Variants in GABRG1 observed in about 807,000 individuals in gnomAD.
GABRG1 encodes gamma-aminobutyric acid type A receptor subunit gamma1.
A neutral mutation model predicts 49.8 loss-of-function variants in GABRG1; 49 were observed. That is an observed-to-expected ratio of 0.98 (90% CI 0.78 to 1.25). The LOEUF (loss-of-function observed/expected upper bound fraction) is 1.25, where lower values mean the gene tolerates loss of function less well. GABRG1 is among the 50% of genes most tolerant of loss of function. The pLI is 0.00. For synonymous variants in GABRG1, 232 were observed against 185.1 expected (o/e 1.25, Z -2.06); for missense variants, 552 against 552.3 (o/e 1.00, Z 0.01).
At chr4:46,085,690 C>A (rs889977670) in intron 2 of GABRG1, among the ~76,000 whole-genome samples, 7 of 151,288 alleles carry the variant, frequency 4.6e-5, no homozygotes, top group East Asian at 3.9e-4. Context: ...AGAAAAAAAA[C>A]CAGAAATCTG....
At chr4:46,044,081 G>C (rs10433721) in intron 8 of GABRG1, among the ~76,000 whole-genome samples, 1 of 151,970 alleles carries the variant, frequency 6.6e-6, no homozygotes, top group East Asian at 1.9e-4. Context: ...TATTGCATGA[G>C]AAAATGCCAA....
intron 1 of GABRG1, among the ~76,000 whole-genome samples, chr4:46,110,703 G>A (rs1398617239): frequency 6.6e-6 from 1 of 150,972 alleles, no homozygotes; most frequent in East Asian, 2.0e-4. Context: ...TTCACCATAT[G>A]CAAATGAATA....
At chr4:46,046,305 A>G (rs1317425689) in intron 8 of GABRG1, among the ~76,000 whole-genome samples, 5 of 152,112 alleles carry the variant, frequency 3.3e-5, no homozygotes, top group Non-Finnish European at 7.4e-5. Context: ...TAGCCAAGGT[A>G]GAAAAAAGAG....
intron 2 of GABRG1, 37 bp downstream of exon 2, chr4:46,097,164 T>C: frequency 6.4e-7 from 1 of 1,562,398 alleles, no homozygotes; most frequent in South Asian, 1.2e-5. Context: ...ATATGTTTAA[T>C]GGTCATCAAA....
At chr4:46,062,274 A>G (rs1484770171) in intron 5 of GABRG1, among the ~76,000 whole-genome samples, 1 of 151,696 alleles carries the variant, frequency 6.6e-6, no homozygotes, top group Non-Finnish European at 1.5e-5. Context: ...CCAGTCTATC[A>G]TTGTTGGACA....
Position 46,040,744 on chromosome 4 carries a change from A to C in GABRG1, c.*244T>G. On this transcript the variant is annotated 3_prime_UTR_variant, in exon 9 of 9. Transcript: ENST00000295452. The stretch of plus-strand genomic sequence containing the variant: ...TAATAACATATAAGTAAATTAAAGA[A>C]AATTTAAGTAAAAATATGTGAGTAT... The C allele has an allele frequency of 3.3e-6, 1 of 306,618 alleles. No individual in the cohort carries two copies. The highest frequency in any genetic ancestry group is 5.9e-6 in the Non-Finnish European group (1 of 169,704). The allele number at this position is 306,618 out of a possible 1,614,324, so 19.0% of individuals were successfully genotyped here.
chr4:46,096,322 G>A (rs572960139), intron 2 of GABRG1, among the ~76,000 whole-genome samples: 13 of 151,600 alleles, frequency 8.6e-5, no homozygotes, highest in African/African-American at 2.4e-4. Context: ...TGAGAATCCC[G>A]AGTAAAGGGC....
intron 1 of GABRG1, among the ~76,000 whole-genome samples, chr4:46,112,000 T>C (rs1258637981): frequency 6.6e-6 from 1 of 151,330 alleles, no homozygotes; most frequent in Non-Finnish European, 1.5e-5. Flanking sequence ...TGAGACCTTA[T>C]TAAACTGAAG....
At chr4:46,072,456 C>A (rs773016354) in intron 3 of GABRG1, among the ~76,000 whole-genome samples, 19 of 151,992 alleles carry the variant, frequency 1.3e-4, no homozygotes, top group Non-Finnish European at 2.2e-4. Flanking sequence ...TAAAAATTAT[C>A]CATGTGTTTC....
In GABRG1 at chr4:46,121,111, T is replaced by C. The variant is rs185340093; in HGVS notation, c.104+2699A>G. ...AAAATAAAATAGTGTTTCTCCTCTA[T>C]ACTGTTGATGGAAATTAATGAGGAA... is the stretch of plus-strand genomic sequence containing the variant. On this transcript the variant is annotated intron_variant, in intron 1 of 8. Coordinates refer to ENST00000295452, the MANE Select transcript of GABRG1 (RefSeq NM_173536.4). 1.4e-4 allele frequency among the ~76,000 whole-genome samples: 22 copies of C among 151,946 alleles called. No homozygotes were observed. The East Asian group carries it at 4.1e-3, about 28-fold the overall frequency.
chr4:46,100,181 A>T (rs1451576423), intron 1 of GABRG1, among the ~76,000 whole-genome samples: 2 of 151,670 alleles, frequency 1.3e-5, no homozygotes. Context: ...ATTTCCTATT[A>T]TTTTCTCCAA....
intron 1 of GABRG1, among the ~76,000 whole-genome samples, chr4:46,101,964 A>C (rs1252263979): frequency 6.6e-6 from 1 of 151,698 alleles, no homozygotes; most frequent in Non-Finnish European, 1.5e-5. Flanking sequence ...ACAATAGAAA[A>C]TTTATTTTTG....
At chr4:46,062,203 A>G (rs529832757) in intron 5 of GABRG1, among the ~76,000 whole-genome samples, 1 of 152,116 alleles carries the variant, frequency 6.6e-6, no homozygotes, top group Admixed American at 6.6e-5. Flanking sequence ...AAAGGACATG[A>G]ACTCAACATT....
At chr4:46,100,231 A>C (rs547027893) in intron 1 of GABRG1, among the ~76,000 whole-genome samples, 1 of 151,644 alleles carries the variant, frequency 6.6e-6, no homozygotes, top group Non-Finnish European at 1.5e-5. Context: ...AGAAATACTG[A>C]GTTGTCACAT....
chr4:46,071,911 G>C (rs560001274), intron 3 of GABRG1, among the ~76,000 whole-genome samples: 313 of 152,044 alleles, frequency 2.1e-3, no homozygotes, highest in African/African-American at 7.3e-3. Flanking sequence ...AATTAATTTA[G>C]TGTATTCTAA....
chr4:46,043,014 A>G (rs372864754), intron 8 of GABRG1, among the ~76,000 whole-genome samples: 2 of 151,944 alleles, frequency 1.3e-5, no homozygotes, highest in African/African-American at 4.8e-5. Context: ...TGTAAAAAAA[A>G]AGAGAGAGAC....
chr4:46,064,400 G>A (rs1240018833), intron 5 of GABRG1, 41 bp downstream of exon 5: 6 of 1,075,874 alleles, frequency 5.6e-6, no homozygotes, highest in South Asian at 3.2e-5. Flanking sequence ...CAGCTTCTAA[G>A]GTTAAAATTC....
chr4:46,061,983 A>C (rs1035973110), intron 5 of GABRG1, among the ~76,000 whole-genome samples: 1 of 149,920 alleles, frequency 6.7e-6, no homozygotes, highest in African/African-American at 2.4e-5. Context: ...CCATTAACTC[A>C]TCATTTAGCA....
At chr4:46,083,935 A>G (rs1219607968) in intron 3 of GABRG1, 51 bp downstream of exon 3, 1 of 961,958 alleles carries the variant, frequency 1.0e-6, no homozygotes, top group Non-Finnish European at 1.6e-6. Flanking sequence ...TTTTGGAGGT[A>G]TACACGAGAG....
Sources: gnomAD v4.1 joint callset for allele counts (sites outside exome capture counted in the v4.1 genomes callset) on GRCh38, gnomAD v4.1.1 for gene constraint, MANE v1.5 for transcripts, NCBI Gene and HGNC (gene_info 2026-07-23, HGNC 2026-07-21) for gene names.